The following IL16 variants were observed in gnomAD, a reference collection of about 807,000 sequenced individuals.
The protein encoded by IL16 is interleukin 16, also known as pro-interleukin-16.
Under a neutral mutation model 110.1 loss-of-function variants are expected in IL16, and 67 were observed. The observed-to-expected ratio is 0.61, with a 90% CI of 0.50 to 0.75. IL16 has a LOEUF of 0.75. Ranked by LOEUF, IL16 falls within the 30% of genes least tolerant of loss-of-function variation. IL16 has a pLI of 0.00. For missense variants in IL16, 1,545 were observed against 1,655.0 expected (o/e 0.93, Z 1.15); for synonymous variants, 689 against 662.9 (o/e 1.04, Z -0.61).
intron 10 of IL16, among the ~76,000 whole-genome samples, chr15:81,288,776 C>T (rs1899568586): frequency 6.6e-6 from 1 of 152,014 alleles, no homozygotes; most frequent in African/African-American, 2.4e-5. Context: ...TATGTTGTAG[C>T]ACGGGCCAGA....
At chr15:81,263,931 G>A (rs8039027) in intron 3 of IL16, among the ~76,000 whole-genome samples, 37,060 of 152,036 alleles carry the variant, frequency 0.24, 5,179 homozygotes, top group African/African-American at 0.38. Context: ...ATAGAGGAAG[G>A]AGTAACTCCA....
At chr15:81,199,339 C>T (rs1162027608) in intron 1 of IL16, among the ~76,000 whole-genome samples, 1 of 152,070 alleles carries the variant, frequency 6.6e-6, no homozygotes, top group Non-Finnish European at 1.5e-5. Context: ...GACAGTGTTG[C>T]TCAGTGTGTG....
intron 1 of IL16, among the ~76,000 whole-genome samples, chr15:81,201,600 T>A (rs1160354370): frequency 1.3e-5 from 2 of 152,206 alleles, no homozygotes. Flanking sequence ...GTTTTTGTTT[T>A]TCCCTCTTTT....
chr15:81,306,508 C>T lies in IL16; in HGVS notation c.3768C>T (p.His1256=), dbSNP rs199822525. 1.4e-5 allele frequency: 23 copies of T among 1,613,658 alleles called. No individual in the cohort carries two copies. The highest frequency in any genetic ancestry group is 1.6e-4 in the Middle Eastern group (1 of 6,084). ...TGGAAGGAGGGAAGGGCTCCCTACA[C>T]GGAGACAAGCCTCTCACCATTAACA... is the stretch of plus-strand genomic sequence containing the variant. ...FSLEGGKGSL[H]GDKPLTINRI... is the part of the protein sequence containing the mutation. Residue 1256 remains histidine, a synonymous_variant, in exon 18 of 19, where the codon CAC becomes CAT. Coordinates refer to ENST00000683961, the MANE Select transcript of IL16 (RefSeq NM_172217.5).
At chr15:81,257,962 T>C (rs1414008547) in intron 2 of IL16, among the ~76,000 whole-genome samples, 10 of 152,122 alleles carry the variant, frequency 6.6e-5, no homozygotes, top group Admixed American at 5.9e-4. Context: ...CATGCAGATA[T>C]TCAGAGAGCT....
At chr15:81,236,466 G>GCTTCCCACA (rs1897179071) in intron 2 of IL16, among the ~76,000 whole-genome samples, 1 of 152,226 alleles carries the variant, frequency 6.6e-6, no homozygotes, top group Admixed American at 6.5e-5. Flanking sequence ...GAAGCAAGGA[G>GCTTCCCACA]GGGCTGCCCA....
intron 1 of IL16, among the ~76,000 whole-genome samples, chr15:81,207,455 A>G (rs1566995009): frequency 6.6e-6 from 1 of 152,194 alleles, no homozygotes; most frequent in East Asian, 1.9e-4. Flanking sequence ...TTACATGGGT[A>G]TATTACAACT....
In IL16 at chr15:81,225,422, G is replaced by T; in HGVS notation, c.23G>T (p.Gly8Val). MESHSRA[G>V]KSRKSAKFRS... ...AGGATGGAGTCGCACAGCCGCGCTG[G>T]AAAGAGCAGAAAATCTGCAAAATTT... The change falls in exon 2 of 19, where the codon GGA (glycine) becomes GTA (valine). Residue 8 changes from glycine (G) to valine (V), a missense_variant. By Grantham distance (109) the Gly-to-Val change is moderately radical. Coordinates refer to ENST00000683961, the MANE Select transcript of IL16 (RefSeq NM_172217.5). 6.2e-7 allele frequency: 1 copy of T among 1,614,084 alleles called. No homozygotes were observed. Among genetic ancestry groups the T allele is most frequent in the Non-Finnish European group, 8.5e-7 (1 of 1,180,016 alleles).
chr15:81,291,140 G>C (rs7171517), intron 11 of IL16, among the ~76,000 whole-genome samples: 74 of 152,158 alleles, frequency 4.9e-4, no homozygotes, highest in African/African-American at 1.8e-3. Flanking sequence ...CATTAATCAC[G>C]TCTACCATGG....
chr15:81,214,578 G>A (rs187582507), intron 1 of IL16, among the ~76,000 whole-genome samples: 130 of 152,026 alleles, frequency 8.6e-4, no homozygotes, highest in African/African-American at 2.4e-3. Context: ...ATTGACCTTG[G>A]TGAGTCTGGT....
intron 2 of IL16, among the ~76,000 whole-genome samples, chr15:81,253,478 A>T (rs1203344833): frequency 1.3e-5 from 2 of 152,104 alleles, no homozygotes; most frequent in Non-Finnish European, 2.9e-5. Context: ...TTAAATTTTG[A>T]TGAAGCTCAT....
chr15:81,303,610 G>T lies in IL16; in HGVS notation c.3380G>T (p.Ser1127Ile), dbSNP rs1350928385. The T allele has an allele frequency of 6.2e-7, 1 of 1,613,994 alleles. No individual in the cohort carries two copies. Among genetic ancestry groups the T allele is most frequent in the Non-Finnish European group, 8.5e-7 (1 of 1,179,900 alleles). ...HKEEGAGLGF[S>I]LAGGADLENK... ...GAGGAAGGTGCTGGTCTTGGGTTCAGCTTGGCAGGAGGAGCAGATCTAGAA... is the reference window on the plus strand; with the variant it reads ...GAGGAAGGTGCTGGTCTTGGGTTCATCTTGGCAGGAGGAGCAGATCTAGAA... Residue 1127 changes from serine to isoleucine, a missense_variant, in exon 16 of 19, where the codon AGC becomes ATC. Around this residue, in one of 3 missense-constraint regions of IL16, gnomAD observed 356 missense variants for 399.3 expected, o/e 0.89. Coordinates refer to ENST00000683961, the MANE Select transcript of IL16 (RefSeq NM_172217.5). The surrounding 1 kb of genome is among the most constrained non-coding windows in gnomAD (Gnocchi z 4.1).
intron 2 of IL16, among the ~76,000 whole-genome samples, chr15:81,257,287 C>T (rs554189329): frequency 1.3e-5 from 2 of 152,170 alleles, no homozygotes; most frequent in African/African-American, 4.8e-5. Flanking sequence ...TGTGTCAGAA[C>T]TGGAAACAAT....
At chr15:81,263,317 G>A (rs1898231642) in intron 3 of IL16, among the ~76,000 whole-genome samples, 1 of 149,674 alleles carries the variant, frequency 6.7e-6, no homozygotes, top group Admixed American at 6.7e-5. Flanking sequence ...ATATAATCAT[G>A]ACAATATATA....
chr15:81,258,576 C>CT (rs1455288305), intron 2 of IL16, among the ~76,000 whole-genome samples: 2 of 152,140 alleles, frequency 1.3e-5, no homozygotes, highest in African/African-American at 4.8e-5. Context: ...TGGCATGCAT[C>CT]TGTAGTACCA....
rs1163836351 is a variant in IL16, at chr15:81,269,608, C to T, written c.635C>T (p.Ser212Leu). 6.2e-7 allele frequency: 1 copy of T among 1,613,918 alleles called. No individual in the cohort carries two copies. Among genetic ancestry groups the T allele is most frequent in the African/African-American group, 1.3e-5 (1 of 74,908 alleles). The change falls in exon 5 of 19, where the codon TCA becomes TTA. Residue 212 changes from serine to leucine, a missense_variant. Transcript: ENST00000683961. ...LVQPSGGLQA[S>L]VISNIVLMKG... Reference sequence around the variant, plus strand: ...CAGCCATCTGGGGGCCTCCAGGCTTCAGTCATCTCCAACATCGTGCTGATG... The same window carrying T: ...CAGCCATCTGGGGGCCTCCAGGCTTTAGTCATCTCCAACATCGTGCTGATG...
chr15:81,269,681 G>T (rs949208417), intron 5 of IL16, 33 bp downstream of exon 5: 10 of 1,475,912 alleles, frequency 6.8e-6, no homozygotes, highest in Non-Finnish European at 9.5e-6. Context: ...AGGAAGTCCT[G>T]GGGGGCAGCA....
In IL16 at chr15:81,303,493, A is replaced by T; in HGVS notation, c.3319-56A>T. 1 of 1,221,520 alleles carries T rather than the reference A, an allele frequency of 8.2e-7. No individual in the cohort carries two copies. Among genetic ancestry groups the T allele is most frequent in the Non-Finnish European group, 1.2e-6 (1 of 827,502 alleles). The allele number at this position is 1,221,520 out of a possible 1,614,324, so 75.7% of individuals were successfully genotyped here. On this transcript the variant is annotated intron_variant, in intron 15 of 18. Coordinates refer to ENST00000683961, the MANE Select transcript of IL16 (RefSeq NM_172217.5). The surrounding 1 kb of genome is among the most constrained non-coding windows in gnomAD (Gnocchi z 4.1). ...ATCAGTCTGATGTCAGTCCGATGTT[A>T]AATTGTTCATCCTCTTGCAGTAAAA...
Position 81,292,738 on chromosome 15 carries a change from T to C in IL16, c.1603T>C (p.Ser535Pro). The change falls in exon 12 of 19, where the codon TCT (serine) becomes CCT (proline). Residue 535 changes from serine to proline, a missense_variant. Physicochemically the swap from Ser to Pro is moderately conservative, Grantham distance 74. Transcript: ENST00000683961. Reference sequence around the variant, plus strand: ...GAGTGGCAGTGCTGAGAAGCCGTCCTCTGACGTGGACATCAGCACACACAG... The same window carrying C: ...GAGTGGCAGTGCTGAGAAGCCGTCCCCTGACGTGGACATCAGCACACACAG... The part of the protein sequence containing the change: ...PGSGSAEKPS[S>P]DVDISTHSPS... The C allele has an allele frequency of 6.2e-7, 1 of 1,614,162 alleles. No homozygotes were observed. The highest frequency in any genetic ancestry group is 8.5e-7 in the Non-Finnish European group (1 of 1,180,022).
Sources: gnomAD v4.1 joint callset for allele counts (sites outside exome capture counted in the v4.1 genomes callset) on GRCh38, gnomAD v4.1.1 for gene constraint, gnomAD v4.1.1 regional missense constraint, Gnocchi (gnomAD v3.1) non-coding constraint, MANE v1.5 for transcripts, NCBI Gene and HGNC (gene_info 2026-07-23, HGNC 2026-07-21) for gene names.